Variants in TANC2 observed in about 807,000 individuals in gnomAD.
TANC2 encodes tetratricopeptide repeat, ankyrin repeat and coiled-coil containing 2, also known as protein TANC2.
TANC2 carries 26 observed loss-of-function variants against 210.5 expected under a neutral mutation model. The ratio of observed to expected loss-of-function variants is 0.12; its 90% CI spans 0.09 to 0.17. The LOEUF (loss-of-function observed/expected upper bound fraction) is 0.17, where lower values mean the gene tolerates loss of function less well. TANC2 is among the 10% of genes least tolerant of loss of function. The probability of loss-of-function intolerance (pLI) is 1.00; values close to 1 mark genes in which losing one functional copy is unlikely to be tolerated. For synonymous variants in TANC2, 931 were observed against 967.1 expected (o/e 0.96, Z 0.69); for missense variants, 2,129 against 2,608.9 (o/e 0.82, Z 4.01).
intron 9 of TANC2, among the ~76,000 whole-genome samples, chr17:63,306,430 A>T (rs138768675): frequency 3.1e-4 from 47 of 152,326 alleles, no homozygotes; most frequent in Admixed American, 3.1e-3. Context: ...CTTCTTCAAT[A>T]TTCATTCATT....
At chr17:63,262,127 A>G (rs2043377313) in intron 8 of TANC2, among the ~76,000 whole-genome samples, 1 of 152,212 alleles carries the variant, frequency 6.6e-6, no homozygotes, top group African/African-American at 2.4e-5. Flanking sequence ...AACAAAAGCA[A>G]GGAACAAAAT....
chr17:63,368,112 A>G (rs376078189), intron 14 of TANC2, among the ~76,000 whole-genome samples: 1 of 152,220 alleles, frequency 6.6e-6, no homozygotes, highest in East Asian at 1.9e-4. Flanking sequence ...ACTGAAAAGC[A>G]CTTGGTCTTT....
rs182114303 is a variant in TANC2 at position 63,132,679 on chromosome 17, A to G, written c.323-18591A>G. ...AGGGTTTTAGGGAGATTGAAAAGCAACTTGTCCTCTTACAAATAATAGAAA... is the reference window on the plus strand; with the variant it reads ...AGGGTTTTAGGGAGATTGAAAAGCAGCTTGTCCTCTTACAAATAATAGAAA... On this transcript the variant is annotated intron_variant, in intron 4 of 27. Transcript: ENST00000689528. 1.1e-4 allele frequency among the ~76,000 whole-genome samples: 16 copies of G among 152,312 alleles called. No homozygotes were observed. The East Asian group carries it at 2.1e-3, about 20-fold the overall frequency.
intron 7 of TANC2, among the ~76,000 whole-genome samples, chr17:63,229,242 G>A (rs2042406908): frequency 6.6e-6 from 1 of 152,188 alleles, no homozygotes; most frequent in Admixed American, 6.5e-5. Context: ...ATGGATTTGT[G>A]TATGTTGAAC....
intron 12 of TANC2, among the ~76,000 whole-genome samples, chr17:63,346,953 G>A (rs1019417394): frequency 7.3e-5 from 11 of 151,512 alleles, no homozygotes; most frequent in Admixed American, 3.9e-4. Flanking sequence ...CAGTTTTCCC[G>A]CCTCAGCCTC....
At chr17:63,125,925 C>G (rs1287779085) in intron 4 of TANC2, among the ~76,000 whole-genome samples, 1 of 152,126 alleles carries the variant, frequency 6.6e-6, no homozygotes, top group African/African-American at 2.4e-5. Flanking sequence ...TACTCTGGAG[C>G]CAGACTGCCT....
At chr17:63,406,172 A>T in exon 21 of TANC2, 1 of 1,613,776 alleles carries the variant, frequency 6.2e-7, no homozygotes, top group Non-Finnish European at 8.5e-7. Context: ...TCTTTTACTC[A>T]CCCATGGAGC....
chr17:63,226,140 T>C (rs1391723327), intron 7 of TANC2, among the ~76,000 whole-genome samples: 1 of 152,230 alleles, frequency 6.6e-6, no homozygotes, highest in Admixed American at 6.5e-5. Flanking sequence ...TTCAAAATAA[T>C]TGATTTCTCC....
chr17:63,140,779 G>T lies in TANC2; in HGVS notation c.323-10491G>T, dbSNP rs150333792. Among the ~76,000 whole-genome samples the T allele has an allele frequency of 3.8e-3, 571 of 152,186 alleles. 4 individuals carry two copies. The highest frequency in any genetic ancestry group is 0.013 in the African/African-American group (553 of 41,532). On this transcript the variant is annotated intron_variant, in intron 4 of 27. Transcript: ENST00000689528. ...TGTTTTGTTTTTGAGACAGAGTGTC[G>T]CTTTGTTGCCCAGGCTGTGTGTAGA...
rs577894179 is a variant in TANC2 at position 63,193,305 on chromosome 17, A to G, written c.434-686A>G. On this transcript the variant is annotated intron_variant, in intron 5 of 27. Coordinates refer to ENST00000689528, the Ensembl canonical transcript of TANC2. ...GACATACATTCAGTGAGAGTTTTGT[A>G]GAGATTTTTCACAGATGGAACTTGA... Among the ~76,000 whole-genome samples the G allele has an allele frequency of 5.9e-5, 9 of 152,282 alleles. No homozygotes were observed. In the South Asian group the frequency reaches 1.2e-3, roughly 21 times the overall value.
intron 4 of TANC2, among the ~76,000 whole-genome samples, chr17:63,119,499 A>G (rs1300016714): frequency 6.6e-6 from 1 of 152,228 alleles, no homozygotes; most frequent in Non-Finnish European, 1.5e-5. Context: ...ATATGTCATT[A>G]ATAACAAGAT....
rs1340482809 is a variant in TANC2, at chr17:63,157,651, A to G, written c.433+6271A>G. The stretch of plus-strand genomic sequence containing the variant: ...TAAAATGGGGATGATAATATTACCT[A>G]TATCACAGGAAGGTTGTAAAGATAC... On this transcript the variant is annotated intron_variant, in intron 5 of 27. Transcript: ENST00000689528. Among the ~76,000 whole-genome samples the G allele has an allele frequency of 4.6e-5, 7 of 152,198 alleles. No homozygotes were observed. In the South Asian group the frequency reaches 6.2e-4, roughly 13 times the overall value.
At chr17:63,022,540 A>C (rs1242986539) in intron 2 of TANC2, among the ~76,000 whole-genome samples, 2 of 152,166 alleles carry the variant, frequency 1.3e-5, no homozygotes, top group Non-Finnish European at 2.9e-5. Context: ...CCATGTAAAG[A>C]ATGAAAAAGA....
At chr17:63,354,804 T>C (rs745661784) in exon 14 of TANC2, 64 of 1,575,288 alleles carry the variant, frequency 4.1e-5, no homozygotes, top group Admixed American at 2.6e-4. Flanking sequence ...GCTGCTGCCT[T>C]TCCATAGGAT....
chr17:63,259,906 GGGC>G (rs2043306667), intron 8 of TANC2, among the ~76,000 whole-genome samples: 1 of 151,926 alleles, frequency 6.6e-6, no homozygotes, highest in African/African-American at 2.4e-5. Context: ...AGTGTTTTGG[GGGC>G]TTTTGTTTGT....
At chr17:63,200,408 A>G (rs1442925224) in intron 6 of TANC2, among the ~76,000 whole-genome samples, 1 of 151,774 alleles carries the variant, frequency 6.6e-6, no homozygotes, top group Non-Finnish European at 1.5e-5. Flanking sequence ...TAACAAGGCA[A>G]AGTTCCAGGT....
At chr17:63,411,905 G>A in intron 22 of TANC2, 93 bp from the exon 23 acceptor site, 1 of 1,550,968 alleles carries the variant, frequency 6.4e-7, no homozygotes, top group Non-Finnish European at 8.7e-7. Flanking sequence ...TAGGCCAGCA[G>A]TTGAAAAAGG....
intron 5 of TANC2, among the ~76,000 whole-genome samples, chr17:63,177,369 T>A (rs1392866301): frequency 6.6e-6 from 1 of 150,970 alleles, no homozygotes; most frequent in Non-Finnish European, 1.5e-5. Flanking sequence ...GATCAGTAGA[T>A]GAATAGGAAA....
intron 4 of TANC2, chr17:63,125,032 C>A (rs1463699757): frequency 1.3e-5 from 2 of 152,184 alleles, no homozygotes; most frequent in Non-Finnish European, 2.9e-5. Flanking sequence ...TTCTCTTTCT[C>A]CATTCAACAT....
Sources: allele counts gnomAD v4.1 joint callset (sites outside exome capture counted in the v4.1 genomes callset), GRCh38; gene constraint gnomAD v4.1.1; transcripts MANE v1.5; gene names NCBI Gene and HGNC (gene_info 2026-07-23, HGNC 2026-07-21).